The following CMSS1 variants were observed in gnomAD, a reference collection of about 807,000 sequenced individuals.
CMSS1 encodes cms1 ribosomal small subunit homolog, also known as protein CMSS1.
In CMSS1, 33 loss-of-function variants were observed where a neutral mutation model predicts 43.5. That is an observed-to-expected ratio of 0.76 (90% CI 0.57 to 1.01). CMSS1 has a LOEUF of 1.01. CMSS1 is among the 50% of genes least tolerant of loss of function. CMSS1 has a pLI of 0.00. For synonymous variants in CMSS1, 115 were observed against 117.2 expected (o/e 0.98, Z 0.12); for missense variants, 313 against 326.4 (o/e 0.96, Z 0.32).
intron 2 of CMSS1, among the ~76,000 whole-genome samples, chr3:100,157,207 T>C (rs892468441): frequency 2.0e-5 from 3 of 152,226 alleles, no homozygotes; most frequent in African/African-American, 7.2e-5. Flanking sequence ...CAAGCCTTCC[T>C]CGTTTATTTT....
chr3:100,137,982 A>G (rs1025862769), intron 1 of CMSS1, among the ~76,000 whole-genome samples: 2 of 152,242 alleles, frequency 1.3e-5, no homozygotes, highest in African/African-American at 4.8e-5. Flanking sequence ...TGGTACTGGT[A>G]CAAAAACAGA....
chr3:99,822,950 A>G (rs1942467234), intron 1 of CMSS1, among the ~76,000 whole-genome samples: 2 of 152,174 alleles, frequency 1.3e-5, no homozygotes, highest in Admixed American at 1.3e-4. Context: ...TATTTAATTT[A>G]ATTCACCCAA....
chr3:99,822,863 C>T (rs151062269), intron 1 of CMSS1, among the ~76,000 whole-genome samples: 21 of 152,256 alleles, frequency 1.4e-4, no homozygotes, highest in African/African-American at 5.1e-4. Context: ...AGTACACCAG[C>T]GGTAGTTACT....
chr3:100,178,343 G>A lies in CMSS1; in HGVS notation c.795G>A (p.Val265=). The change falls in exon 10 of 10, where the codon GTG becomes GTA. Residue 265 remains valine (V), a synonymous_variant. Transcript: ENST00000421999. ...TATTCGAACTTCTGGAAATGGGAGT[G>A]CTCAGTCTGTGCAAGTCAGAATCCT... is the stretch of plus-strand genomic sequence containing the variant. The part of the protein sequence containing the change: ...KEVFELLEMG[V]LSLCKSESLK... 2.5e-6 allele frequency: 4 copies of A among 1,613,274 alleles called. No homozygotes were observed. The South Asian group carries it at 4.4e-5, about 18-fold the overall frequency.
intron 1 of CMSS1, chr3:99,876,154 G>T (rs866817505): frequency 1.4e-5 from 14 of 985,868 alleles, no homozygotes; most frequent in Non-Finnish European, 1.7e-5. Context: ...TGCGCGCTCC[G>T]AGAGTCGCCC....
intron 1 of CMSS1, chr3:99,833,162 T>A: frequency 7.3e-7 from 1 of 1,376,206 alleles, no homozygotes. Flanking sequence ...AACGATTTTT[T>A]AATAAATGCT....
intron 1 of CMSS1, among the ~76,000 whole-genome samples, chr3:99,840,299 C>T (rs1296021117): frequency 5.0e-5 from 7 of 141,064 alleles, no homozygotes; most frequent in African/African-American, 1.6e-4. Context: ...TCTCAGATCA[C>T]TGCAACCTCT....
rs148202802 is a variant in CMSS1 at position 100,038,295 on chromosome 3, A to G, written c.65-108678A>G. 3.7e-3 allele frequency among the ~76,000 whole-genome samples: 570 copies of G among 152,238 alleles called. 3 individuals are homozygous for G. Among genetic ancestry groups the G allele is most frequent in the African/African-American group, 0.013 (542 of 41,536 alleles). ...ATTAAAATATAACTCTTACAGAAAT[A>G]ATAAGAAAAGTAATGAAGTAATGAG... On this transcript the variant is annotated intron_variant, in intron 1 of 9. Coordinates refer to ENST00000421999, the MANE Select transcript of CMSS1 (RefSeq NM_032359.4).
chr3:100,025,269 G>T (rs2064897570), intron 1 of CMSS1, among the ~76,000 whole-genome samples: 1 of 152,126 alleles, frequency 6.6e-6, no homozygotes, highest in South Asian at 2.1e-4. Context: ...GGTCTAAAGG[G>T]CACAGGCCTC....
chr3:99,868,768 C>T (rs1186992053), intron 1 of CMSS1, among the ~76,000 whole-genome samples: 1 of 152,138 alleles, frequency 6.6e-6, no homozygotes, highest in African/African-American at 2.4e-5. Context: ...TCAGTCATCT[C>T]CATTTACATT....
At chr3:100,048,146 C>T (rs2065308017) in intron 1 of CMSS1, among the ~76,000 whole-genome samples, 2 of 152,194 alleles carry the variant, frequency 1.3e-5, no homozygotes, top group South Asian at 4.1e-4. Context: ...CTGTTTGCCC[C>T]ACAAATGACC....
chr3:100,155,052 CT>C (rs1204607848), intron 2 of CMSS1, among the ~76,000 whole-genome samples: 2 of 152,194 alleles, frequency 1.3e-5, no homozygotes, highest in Admixed American at 6.5e-5. Flanking sequence ...GCTTCTCTAG[CT>C]TTTTTCCTTA....
intron 1 of CMSS1, among the ~76,000 whole-genome samples, chr3:99,852,939 C>G (rs568156618): frequency 6.6e-6 from 1 of 152,184 alleles, no homozygotes; most frequent in South Asian, 2.1e-4. Flanking sequence ...GTTTTGAGAA[C>G]TTAACAGGAG....
rs1389212529 is a variant in CMSS1, at chr3:99,890,747, A to G, written c.64+72704A>G. ...TCCGCTGTTTTTTTTTTTCTGACAT[A>G]TTAAGTATGTCTTACATGCTGTCTG... On this transcript the variant is annotated intron_variant, in intron 1 of 9. Transcript: ENST00000421999. Among the ~76,000 whole-genome samples the G allele has an allele frequency of 3.3e-5, 5 of 151,034 alleles. 1 individual carries two copies. The highest frequency in any genetic ancestry group is 9.7e-5 in the African/African-American group (4 of 41,168).
At chr3:99,820,677 G>C (rs1347988046) in intron 1 of CMSS1, among the ~76,000 whole-genome samples, 1 of 152,224 alleles carries the variant, frequency 6.6e-6, no homozygotes, top group Non-Finnish European at 1.5e-5. Flanking sequence ...CTGAACCACA[G>C]ATTTCCTGAT....
intron 1 of CMSS1, chr3:99,833,155 G>A (rs1481353055): frequency 3.8e-6 from 5 of 1,327,842 alleles, no homozygotes; most frequent in African/African-American, 1.5e-5. Flanking sequence ...AGAAGAAAAC[G>A]ATTTTTTAAT....
At chr3:99,900,551 C>CAT (rs1706402006) in intron 1 of CMSS1, among the ~76,000 whole-genome samples, 1 of 152,168 alleles carries the variant, frequency 6.6e-6, no homozygotes, top group Non-Finnish European at 1.5e-5. Context: ...CCCCAAATGC[C>CAT]ATACCTTTAG....
At chr3:99,876,283 C>T (rs1176416156) in intron 1 of CMSS1, 1 of 908,268 alleles carries the variant, frequency 1.1e-6, no homozygotes, top group Non-Finnish European at 1.3e-6. Flanking sequence ...ACCGCGGGAC[C>T]CTCGGCCGCG....
chr3:99,978,589 G>A (rs975676051), intron 1 of CMSS1, among the ~76,000 whole-genome samples: 5 of 152,190 alleles, frequency 3.3e-5, no homozygotes, highest in East Asian at 3.8e-4. Context: ...TAAAAAAGTC[G>A]ATCTCATAGA....
Sources: gnomAD v4.1 joint callset for allele counts (sites outside exome capture counted in the v4.1 genomes callset) on GRCh38, gnomAD v4.1.1 for gene constraint, MANE v1.5 for transcripts, NCBI Gene and HGNC (gene_info 2026-07-23, HGNC 2026-07-21) for gene names.